Variants in RNF212B observed in about 807,000 individuals in gnomAD.
RNF212B encodes the protein E3 ubiquitin-protein ligase RNF212B.
In RNF212B, 52 loss-of-function variants were observed where a neutral mutation model predicts 55.5. The ratio of observed to expected loss-of-function variants is 0.94; its 90% CI spans 0.75 to 1.18. The LOEUF (loss-of-function observed/expected upper bound fraction) is 1.18. RNF212B is among the 50% of genes most tolerant of loss of function. RNF212B has a pLI of 0.00. For missense variants in RNF212B, 289 were observed against 350.4 expected, an observed-to-expected ratio of 0.82 and a Z score of 1.40; for synonymous variants, 99 against 121.4, an observed-to-expected ratio of 0.82 and a Z score of 1.21.
chr14:23,244,363 G>A lies in RNF212B; in HGVS notation c.195G>A (p.Glu65=). 4 of 1,547,318 alleles carry A rather than the reference G, an allele frequency of 2.6e-6. No individual in the cohort carries two copies. The highest frequency in any genetic ancestry group is 3.5e-6 in the Non-Finnish European group (4 of 1,146,000). Residue 65 remains glutamate, a synonymous_variant, in exon 4 of 15, where the codon GAG becomes GAA. Coordinates refer to ENST00000430154, the MANE Select transcript of RNF212B (RefSeq NM_001282322.3). ...AGATGTTTTTCAAAAGTCCTGTGGAGACAGCTTTGCAGTATTTTAGTCACA... is the reference window on the plus strand; with the variant it reads ...AGATGTTTTTCAAAAGTCCTGTGGAAACAGCTTTGCAGTATTTTAGTCACA... ...QEKMFFKSPV[E]TALQYFSHIS... is the part of the protein sequence containing the mutation.
At position 23,273,044 on chromosome 14, in the gene RNF212B, C is replaced by A. The variant is rs915878049; in HGVS notation, c.*153C>A. 2 of 511,506 alleles carry A rather than the reference C, an allele frequency of 3.9e-6. No individual in the cohort carries two copies. Among genetic ancestry groups the A allele is most frequent in the Non-Finnish European group, 3.4e-6 (1 of 290,782 alleles). The allele number at this position is 511,506 out of a possible 1,614,324, so 31.7% of individuals were successfully genotyped here. On this transcript the variant is annotated 3_prime_UTR_variant, in exon 15 of 15. Coordinates refer to ENST00000430154, the MANE Select transcript of RNF212B (RefSeq NM_001282322.3). ...CTCCCCCCATCTTTACCCTATTCACCCTTATCACCTCCCAGGACAGTGGTC... is the reference window on the plus strand; with the variant it reads ...CTCCCCCCATCTTTACCCTATTCACACTTATCACCTCCCAGGACAGTGGTC...
At chr14:23,259,634 G>A (rs940933545) in intron 5 of RNF212B, 4 of 287,546 alleles carry the variant, frequency 1.4e-5, no homozygotes, top group Non-Finnish European at 2.6e-5. Flanking sequence ...GGTGGAGAGA[G>A]GAAATGGAAT....
chr14:23,269,872 T>C lies in RNF212B; in HGVS notation c.684T>C (p.Ser228=). Reference sequence around the variant, plus strand: ...TATTTGCTTTCCTTAGAACTTCATCTGCCTCCTCTGGACAGGGGATTTTTT... The same window carrying C: ...TATTTGCTTTCCTTAGAACTTCATCCGCCTCCTCTGGACAGGGGATTTTTT... ...STHSLSYRTS[S]ASSGQGIFSF... The change falls in exon 13 of 15, where the codon TCT becomes TCC. Residue 228 remains serine (S), a synonymous_variant. Coordinates refer to ENST00000430154, the MANE Select transcript of RNF212B (RefSeq NM_001282322.3). 6.5e-7 allele frequency: 1 copy of C among 1,540,988 alleles called. No individual in the cohort carries two copies. Among genetic ancestry groups the C allele is most frequent in the East Asian group, 2.4e-5 (1 of 40,868 alleles).
At chr14:23,259,399 T>A (rs1245692066) in intron 5 of RNF212B, 1 of 149,274 alleles carries the variant, frequency 6.7e-6, no homozygotes, top group East Asian at 2.0e-4. Context: ...AGTCTCTGCA[T>A]ATTGCCCAGG....
intron 2 of RNF212B, chr14:23,230,217 A>G (rs1414086794): frequency 1.3e-5 from 2 of 152,258 alleles, no homozygotes; most frequent in Non-Finnish European, 2.9e-5. Context: ...CTTATCAGAT[A>G]TATGATTTAC....
intron 1 of RNF212B, among the ~76,000 whole-genome samples, chr14:23,187,616 A>G (rs1181426140): frequency 6.6e-6 from 1 of 152,124 alleles, no homozygotes; most frequent in Non-Finnish European, 1.5e-5. Flanking sequence ...TAGATCCAAT[A>G]GACAGCACTT....
At chr14:23,220,938 G>A (rs1859403946) in intron 2 of RNF212B, among the ~76,000 whole-genome samples, 1 of 151,902 alleles carries the variant, frequency 6.6e-6, no homozygotes, top group Non-Finnish European at 1.5e-5. Context: ...AAGGAAAAAA[G>A]GAAGAGAAGA....
intron 14 of RNF212B, 27 bp from the exon 15 acceptor site, chr14:23,272,796 C>CA (rs1270141458): frequency 1.0e-5 from 15 of 1,499,344 alleles, no homozygotes; most frequent in Non-Finnish European, 1.4e-5. Context: ...TAAACACCCA[C>CA]ATCTACCTTC....
chr14:23,240,376 C>T lies in RNF212B; in HGVS notation c.31C>T (p.Arg11Ter), dbSNP rs1246648799. The T allele has an allele frequency of 7.7e-6, 12 of 1,550,228 alleles. No homozygotes were observed. Among genetic ancestry groups the T allele is most frequent in the African/African-American group, 1.4e-5 (1 of 73,104 alleles). ...TTGGTTTCATTGCAACCAGTGCTTC[C>T]GAAAAGATGGGGCCCATTTCTTTGT... MDWFHCNQCF[R>*]KDGAHFFVTS... Residue 11 changes from arginine to a stop codon, truncating the protein, a stop_gained, in exon 2 of 15, where the codon CGA (arginine) becomes TGA (stop). Transcript: ENST00000430154. LOFTEE classifies it high-confidence loss of function.
At chr14:23,203,195 C>A (rs892034343) in intron 2 of RNF212B, among the ~76,000 whole-genome samples, 1 of 151,918 alleles carries the variant, frequency 6.6e-6, no homozygotes, top group Non-Finnish European at 1.5e-5. Context: ...GCCTGTGTAT[C>A]TTTATAGCTT....
intron 11 of RNF212B, among the ~76,000 whole-genome samples, chr14:23,265,643 A>T (rs546464006): frequency 2.1e-3 from 323 of 152,308 alleles, no homozygotes; most frequent in African/African-American, 7.3e-3. Flanking sequence ...GTTGGTAACA[A>T]CAGTGTTCTC....
chr14:23,187,679 C>A (rs1877728105), intron 1 of RNF212B, among the ~76,000 whole-genome samples: 2 of 152,102 alleles, frequency 1.3e-5, no homozygotes, highest in Admixed American at 1.3e-4. Context: ...CAACAAAGGA[C>A]CCAAATCTCT....
intron 11 of RNF212B, among the ~76,000 whole-genome samples, chr14:23,265,733 G>A (rs137907017): frequency 9.9e-5 from 15 of 152,206 alleles, no homozygotes; most frequent in African/African-American, 3.4e-4. Context: ...TTTGTTGAGA[G>A]TCTGTATTAC....
chr14:23,207,593 T>G (rs1317385335), intron 2 of RNF212B, among the ~76,000 whole-genome samples: 1 of 152,232 alleles, frequency 6.6e-6, no homozygotes, highest in Non-Finnish European at 1.5e-5. Context: ...GCCATAGAGT[T>G]AGCTCATGCT....
At position 23,272,838 on chromosome 14, in the gene RNF212B, C is replaced by T. The variant is rs569202767; in HGVS notation, c.850C>T (p.Arg284Trp). The T allele has an allele frequency of 9.1e-5, 141 of 1,548,742 alleles. No individual in the cohort carries two copies. The African/African-American group carries it at 1.3e-3, about 15-fold the overall frequency. The change falls in exon 15 of 15, where the codon CGG (arginine) becomes TGG (tryptophan). Residue 284 changes from arginine (R) to tryptophan (W), a missense_variant. By Grantham distance (101) the Arg-to-Trp change is moderately radical. Coordinates refer to ENST00000430154, the MANE Select transcript of RNF212B (RefSeq NM_001282322.3). Reference sequence around the variant, plus strand: ...TCTGCTGCAGACTCTCTACCAACAACGGAGGCATATGGGATTACCCAGTGG... The same window carrying T: ...TCTGCTGCAGACTCTCTACCAACAATGGAGGCATATGGGATTACCCAGTGG... ...LPVLQTLYQQ[R>W]RHMGLPSGRE...
intron 2 of RNF212B, among the ~76,000 whole-genome samples, chr14:23,201,714 T>C (rs1003848344): frequency 3.9e-5 from 6 of 152,192 alleles, no homozygotes; most frequent in Non-Finnish European, 8.8e-5. Context: ...TATTACAAAA[T>C]AGGATTTCAG....
At chr14:23,237,106 G>A (rs1473023212), upstream of RNF212B, among the ~76,000 whole-genome samples, 2 of 150,276 alleles carry the variant, frequency 1.3e-5, no homozygotes, top group African/African-American at 4.9e-5. Context: ...CTGGGACTAC[G>A]GGCACCCGCC....
intron 7 of RNF212B, chr14:23,261,216 A>T: frequency 3.2e-6 from 1 of 311,566 alleles, no homozygotes; most frequent in South Asian, 2.7e-5. Context: ...TGAGAAAGGT[A>T]AAAACACCTT....
chr14:23,247,140 CA>C (rs36074283), intron 4 of RNF212B, among the ~76,000 whole-genome samples: 6,255 of 139,512 alleles, frequency 0.045, 171 homozygotes, highest in Middle Eastern at 0.14. Flanking sequence ...AACTCCATCT[CA>C]AAAAAAAAAA....
Sources: gnomAD v4.1 joint callset for allele counts (sites outside exome capture counted in the v4.1 genomes callset) on GRCh38, gnomAD v4.1.1 for gene constraint, MANE v1.5 for transcripts, NCBI Gene and HGNC (gene_info 2026-07-23, HGNC 2026-07-21) for gene names.